The following SCAP variants were observed in gnomAD, a reference collection of about 807,000 sequenced individuals.
SCAP encodes sterol regulatory element-binding protein cleavage-activating protein.
A neutral mutation model predicts 123.6 loss-of-function variants in SCAP; 65 were observed. That is an observed-to-expected ratio of 0.53 (90% CI 0.43 to 0.65). The LOEUF (loss-of-function observed/expected upper bound fraction) is 0.65. Ranked by LOEUF, SCAP falls within the 30% of genes least tolerant of loss-of-function variation. The probability of loss-of-function intolerance (pLI) is 0.00; values close to 1 mark genes in which losing one functional copy is unlikely to be tolerated. For missense variants in SCAP, 1,398 were observed against 1,712.5 expected, an observed-to-expected ratio of 0.82 and a Z score of 3.24; for synonymous variants, 740 against 726.3, an observed-to-expected ratio of 1.02 and a Z score of -0.30.
intron 1 of SCAP, among the ~76,000 whole-genome samples, chr3:47,456,525 G>C (rs895643383): frequency 1.3e-5 from 2 of 152,126 alleles, no homozygotes; most frequent in Non-Finnish European, 2.9e-5. Context: ...CAGCACTTTG[G>C]GAGGCCGAGA....
At chr3:47,457,997 T>C (rs909870015) in intron 1 of SCAP, among the ~76,000 whole-genome samples, 2 of 150,058 alleles carry the variant, frequency 1.3e-5, no homozygotes, top group Admixed American at 6.7e-5. Context: ...GTTAATAGTA[T>C]TGAAAAAAGG....
At position 47,414,395 on chromosome 3, in the gene SCAP, A is replaced by G; in HGVS notation, c.3388-9T>C. ...CTGGCCAGCACCATGGTCTGGGGAA[A>G]CAGGCCAGGGGAGTGGGGTCACCAT... On this transcript the variant is annotated splice_polypyrimidine_tract_variant and intron_variant, in intron 21 of 22. Coordinates refer to ENST00000265565, the MANE Select transcript of SCAP (RefSeq NM_012235.4). The G allele has an allele frequency of 1.6e-5, 25 of 1,612,368 alleles. No individual in the cohort carries two copies. The highest frequency in any genetic ancestry group is 1.7e-5 in the Non-Finnish European group (20 of 1,179,916).
intron 9 of SCAP, among the ~76,000 whole-genome samples, 185 bp downstream of exon 9, chr3:47,423,748 C>A (rs1706008227): frequency 6.6e-6 from 1 of 152,200 alleles, no homozygotes; most frequent in Non-Finnish European, 1.5e-5. Flanking sequence ...CCAATGGCCC[C>A]ATGGCTCCCC....
At chr3:47,467,876 TC>T (rs1707888787) in intron 1 of SCAP, among the ~76,000 whole-genome samples, 1 of 76,098 alleles carries the variant, frequency 1.3e-5, no homozygotes, top group African/African-American at 5.0e-5. Context: ...CCCTCCCCCC[TC>T]CCCCCATCCC....
chr3:47,456,709 G>GAGCCGAGATC (rs1290054023), intron 1 of SCAP, among the ~76,000 whole-genome samples: 1 of 151,954 alleles, frequency 6.6e-6, no homozygotes, highest in Non-Finnish European at 1.5e-5. Flanking sequence ...AGGTTGCAGT[G>GAGCCGAGATC]AGCCGAGATC....
intron 8 of SCAP, 64 bp from the exon 9 acceptor site, chr3:47,424,109 C>T: frequency 7.9e-7 from 1 of 1,273,648 alleles, no homozygotes; most frequent in Non-Finnish European, 1.1e-6. Flanking sequence ...CTGGGGCCCT[C>T]AGGAAGGCTG....
chr3:47,422,307 G>T, intron 10 of SCAP, 135 bp downstream of exon 10: 1 of 721,978 alleles, frequency 1.4e-6, no homozygotes, highest in Non-Finnish European at 2.3e-6. Context: ...TGATCTGCTT[G>T]CCAGGCAAAG....
At chr3:47,429,463 C>T (rs1290529198) in intron 3 of SCAP, among the ~76,000 whole-genome samples, 4 of 152,220 alleles carry the variant, frequency 2.6e-5, no homozygotes, top group African/African-American at 9.7e-5. Flanking sequence ...CTCAGCACCC[C>T]CACCCACCAA....
intron 1 of SCAP, among the ~76,000 whole-genome samples, chr3:47,461,036 G>T (rs1395327711): frequency 1.3e-5 from 2 of 152,006 alleles, no homozygotes; most frequent in Admixed American, 1.3e-4. Context: ...AGACTTCACC[G>T]GCCCCTTCCA....
intron 3 of SCAP, 196 bp from the exon 4 acceptor site, chr3:47,428,866 C>A (rs1706249125): frequency 5.4e-6 from 3 of 559,466 alleles, no homozygotes; most frequent in Non-Finnish European, 9.2e-6. Flanking sequence ...GAAACTCCCT[C>A]CGCTTATGAG....
chr3:47,471,559 G>C (rs189416236), intron 1 of SCAP, among the ~76,000 whole-genome samples: 1 of 152,010 alleles, frequency 6.6e-6, no homozygotes, highest in African/African-American at 2.4e-5. Context: ...TAGTGGAGAC[G>C]GGGTTTCACA....
At chr3:47,429,150 C>G (rs1024516140) in intron 3 of SCAP, 3 of 158,264 alleles carry the variant, frequency 1.9e-5, no homozygotes, top group African/African-American at 7.2e-5. Flanking sequence ...AAAGCCAGCA[C>G]AGGGAGACAG....
rs771419125 is a variant in SCAP at position 47,419,729 on chromosome 3, G to A, written c.1564-25C>T. 4.0e-6 allele frequency: 6 copies of A among 1,511,150 alleles called. No individual in the cohort carries two copies. Among genetic ancestry groups the A allele is most frequent in the Non-Finnish European group, 3.5e-6 (4 of 1,130,500 alleles). 93.6% of individuals were successfully genotyped at this position (1,511,150 alleles called of 1,614,324 possible). A position where few individuals can be genotyped will look rare whatever the true frequency, so the allele number is the denominator to read the frequency against. ...CCTGCAGTGGGGCAGGGGGTACTCA[G>A]TGGGAGGAATGGGCCCCAACCCCCA... On this transcript the variant is annotated intron_variant, in intron 12 of 22. Transcript: ENST00000265565. This position sits in a 1 kb window ranked among gnomAD's most constrained non-coding sequence, Gnocchi z 5.0.
intron 18 of SCAP, 97 bp from the exon 19 acceptor site, chr3:47,415,277 G>T: frequency 8.9e-7 from 1 of 1,117,630 alleles, no homozygotes; most frequent in Non-Finnish European, 1.3e-6. Flanking sequence ...GTTCAAGAAG[G>T]CACAGGAGGG....
At chr3:47,453,292 C>T (rs1170232952) in intron 1 of SCAP, among the ~76,000 whole-genome samples, 2 of 151,860 alleles carry the variant, frequency 1.3e-5, no homozygotes, top group Non-Finnish European at 2.9e-5. Flanking sequence ...CCTGTAATCC[C>T]GGCACTTTGG....
chr3:47,456,324 C>G (rs1443158429), intron 1 of SCAP, among the ~76,000 whole-genome samples: 1 of 152,036 alleles, frequency 6.6e-6, no homozygotes, highest in Non-Finnish European at 1.5e-5. Flanking sequence ...ATTACCTGAG[C>G]CTGGCAAGGT....
intron 1 of SCAP, among the ~76,000 whole-genome samples, chr3:47,473,086 A>AAAAAAAAAAAAAAAAAAC (rs1452211445): frequency 1.5e-4 from 22 of 144,062 alleles, no homozygotes; most frequent in South Asian, 8.9e-4. Context: ...ATCTCAAAAA[A>AAAAAAAAAAAAAAAAAAC]AAAAAAAAAA....
Position 47,417,775 on chromosome 3 carries a change from G to C in SCAP, c.2499C>G (p.Ser833Arg), listed in dbSNP as rs777376898. The C allele has an allele frequency of 1.3e-6, 2 of 1,583,182 alleles. No individual in the cohort carries two copies. The highest frequency in any genetic ancestry group is 3.5e-5 in the Admixed American group (2 of 56,860). ...GVGSGLEAQE[S>R]WERLSDGGKA... ...TCCCACCATCTGAAAGTCGTTCCCA[G>C]CTCTCCTGAGCCTCAAGCCCGCTGC... is the stretch of plus-strand genomic sequence containing the variant. The change falls in exon 17 of 23, where the codon AGC (serine) becomes AGG (arginine). Residue 833 changes from serine to arginine, a missense_variant. Coordinates refer to ENST00000265565, the MANE Select transcript of SCAP (RefSeq NM_012235.4).
At chr3:47,452,180 T>C (rs893292116) in intron 1 of SCAP, among the ~76,000 whole-genome samples, 2 of 152,264 alleles carry the variant, frequency 1.3e-5, no homozygotes, top group African/African-American at 4.8e-5. Context: ...CTATCTGTCC[T>C]CTGTCAAGAC....
Sources: gnomAD v4.1 joint callset for allele counts (sites outside exome capture counted in the v4.1 genomes callset) on GRCh38, gnomAD v4.1.1 for gene constraint, Gnocchi (gnomAD v3.1) non-coding constraint, MANE v1.5 for transcripts, NCBI Gene and HGNC (gene_info 2026-07-23, HGNC 2026-07-21) for gene names.